The following TSPAN7 variants were observed in gnomAD, a reference collection of about 807,000 sequenced individuals.
TSPAN7 encodes the protein tetraspanin 7.
In TSPAN7, 1 loss-of-function variant was observed where a neutral mutation model predicts 17.6. The observed-to-expected ratio is 0.06, with a 90% CI of 0.02 to 0.27. The LOEUF is 0.27. TSPAN7 is among the 10% of genes least tolerant of loss of function. TSPAN7 has a pLI of 1.00. For missense variants in TSPAN7, 112 were observed against 201.7 expected, an observed-to-expected ratio of 0.56 and a Z score of 2.69; for synonymous variants, 78 against 79.0, an observed-to-expected ratio of 0.99 and a Z score of 0.07.
At chrX:38,679,363 A>T (rs115899329) in intron 5 of TSPAN7, among the ~76,000 whole-genome samples, 4,706 of 112,052 alleles carry the variant, frequency 0.042, 235 homozygotes, top group African/African-American at 0.15. Context: ...TCATCACTGC[A>T]GGGAGAAGAT....
intron 1 of TSPAN7, among the ~76,000 whole-genome samples, chrX:38,590,124 T>A (rs1336416145): frequency 8.9e-6 from 1 of 112,003 alleles, no homozygotes; most frequent in Non-Finnish European, 1.9e-5. Flanking sequence ...TTTTGTGACT[T>A]TTTTTTGTGA....
At chrX:38,581,572 A>G (rs2069227184) in intron 1 of TSPAN7, among the ~76,000 whole-genome samples, 1 of 111,854 alleles carries the variant, frequency 8.9e-6, no homozygotes, top group East Asian at 2.8e-4. Flanking sequence ...ACAATTCAAG[A>G]TTTGGGTGGG....
At chrX:38,670,978 G>T (rs1159082633) in intron 2 of TSPAN7, among the ~76,000 whole-genome samples, 1 of 112,020 alleles carries the variant, frequency 8.9e-6, no homozygotes, top group East Asian at 2.8e-4. Context: ...GGTAAAAAAG[G>T]ACCCCCAGAC....
At chrX:38,583,645 T>TAG (rs774134282) in intron 1 of TSPAN7, among the ~76,000 whole-genome samples, 51 of 112,030 alleles carry the variant, frequency 4.6e-4, no homozygotes, top group Non-Finnish European at 9.4e-4. Flanking sequence ...GCCTACTTGA[T>TAG]AGAGTCATCA....
Position 38,578,769 on chromosome X carries a change from T to A in TSPAN7, c.81+17142T>A, listed in dbSNP as rs1437427205. 6.3e-5 allele frequency among the ~76,000 whole-genome samples: 7 copies of A among 111,490 alleles called. No individual in the cohort carries two copies. The East Asian group carries it at 2.0e-3, about 31-fold the overall frequency. On this transcript the variant is annotated intron_variant, in intron 1 of 7. Transcript: ENST00000378482. ...AGAAAAAAATACAGGAAAAGAAAGG[T>A]ACATAAGTGAATATTGTACTAAAAA...
chrX:38,669,007 T>A (rs949903411), intron 2 of TSPAN7, among the ~76,000 whole-genome samples: 1 of 110,645 alleles, frequency 9.0e-6, no homozygotes, highest in Non-Finnish European at 1.9e-5. Flanking sequence ...AAGTCACAGC[T>A]AGATAGGAGG....
chrX:38,665,789 C>A (rs1156878035), intron 1 of TSPAN7, among the ~76,000 whole-genome samples: 1 of 111,815 alleles, frequency 8.9e-6, no homozygotes, highest in African/African-American at 3.3e-5. Context: ...TGGTGTCAGG[C>A]AGCAGCTGGG....
At chrX:38,642,312 A>G (rs758405190) in intron 1 of TSPAN7, among the ~76,000 whole-genome samples, 1 of 112,107 alleles carries the variant, frequency 8.9e-6, no homozygotes, top group Non-Finnish European at 1.9e-5. Flanking sequence ...CAATACCATC[A>G]TGAGAGGAAA....
chrX:38,645,847 A>T (rs944584797), intron 1 of TSPAN7, among the ~76,000 whole-genome samples: 8 of 111,814 alleles, frequency 7.2e-5, no homozygotes, highest in South Asian at 7.5e-4. Context: ...ATAATAATAA[A>T]AATAGCAATG....
intron 1 of TSPAN7, among the ~76,000 whole-genome samples, chrX:38,603,069 C>G (rs2069354969): frequency 8.9e-6 from 1 of 111,816 alleles, no homozygotes; most frequent in South Asian, 3.7e-4. Context: ...AGAATTCTTA[C>G]AAGTCAATAT....
At chrX:38,639,016 C>T (rs1029452358) in intron 1 of TSPAN7, among the ~76,000 whole-genome samples, 2 of 111,239 alleles carry the variant, frequency 1.8e-5, no homozygotes, top group African/African-American at 6.5e-5. Flanking sequence ...GCTATCTTTA[C>T]GACACCCTTT....
At chrX:38,676,393 G>A (rs1324933504) in intron 5 of TSPAN7, among the ~76,000 whole-genome samples, 1 of 110,727 alleles carries the variant, frequency 9.0e-6, no homozygotes, top group African/African-American at 3.3e-5. Context: ...ATTAGAGAGG[G>A]GAAAAAAGAG....
intron 1 of TSPAN7, among the ~76,000 whole-genome samples, chrX:38,635,827 C>A (rs755965791): frequency 2.7e-5 from 3 of 111,336 alleles, no homozygotes; most frequent in Non-Finnish European, 5.7e-5. Flanking sequence ...CTCTGTCTCA[C>A]CCCAAAGCCC....
chrX:38,624,418 T>C (rs1232026734), intron 1 of TSPAN7, among the ~76,000 whole-genome samples: 1 of 112,313 alleles, frequency 8.9e-6, no homozygotes, highest in Non-Finnish European at 1.9e-5. Context: ...AGGACAATTA[T>C]TGTATTTATT....
At chrX:38,676,531 G>A (rs1219459318) in intron 5 of TSPAN7, among the ~76,000 whole-genome samples, 4 of 112,116 alleles carry the variant, frequency 3.6e-5, no homozygotes, top group Non-Finnish European at 7.5e-5. Context: ...TGATATAACT[G>A]CATGTGAAGA....
At chrX:38,607,192 T>C (rs184259375) in intron 1 of TSPAN7, among the ~76,000 whole-genome samples, 39 of 111,703 alleles carry the variant, frequency 3.5e-4, no homozygotes, top group Non-Finnish European at 3.8e-5. Context: ...AGAGTTTGAA[T>C]TAAATGCTCC....
chrX:38,644,287 A>G (rs1239603965), intron 1 of TSPAN7, among the ~76,000 whole-genome samples: 2 of 112,038 alleles, frequency 1.8e-5, no homozygotes, highest in Non-Finnish European at 3.8e-5. Flanking sequence ...GTGACATTCT[A>G]TGATGTTAAA....
At chrX:38,672,687 G>A (rs2069828865) in intron 3 of TSPAN7, among the ~76,000 whole-genome samples, 1 of 110,975 alleles carries the variant, frequency 9.0e-6, no homozygotes, top group Admixed American at 9.6e-5. Flanking sequence ...CTGTGGAGAG[G>A]TTTTTCTCTT....
At position 38,600,800 on chromosome X, in the gene TSPAN7, A is replaced by G. The variant is rs188387204; in HGVS notation, c.81+39173A>G. 5.1e-3 allele frequency among the ~76,000 whole-genome samples: 568 copies of G among 111,914 alleles called. 6 individuals carry two copies. Among genetic ancestry groups the G allele is most frequent in the African/African-American group, 0.018 (543 of 30,862 alleles). On this transcript the variant is annotated intron_variant, in intron 1 of 7. Coordinates refer to ENST00000378482, the MANE Select transcript of TSPAN7 (RefSeq NM_004615.4). ...CTGCTTTATATTCTTTCTAATAGCAATGGGCATTACATTAGCACCTCTCTT... is the reference window on the plus strand; with the variant it reads ...CTGCTTTATATTCTTTCTAATAGCAGTGGGCATTACATTAGCACCTCTCTT...
Sources: allele counts gnomAD v4.1 joint callset (sites outside exome capture counted in the v4.1 genomes callset), GRCh38; gene constraint gnomAD v4.1.1; transcripts MANE v1.5; gene names NCBI Gene and HGNC (gene_info 2026-07-23, HGNC 2026-07-21).